Variants in KCNK2 observed in about 807,000 individuals in gnomAD.
The protein encoded by KCNK2 is potassium channel subfamily K member 2.
Under a neutral mutation model 40.5 loss-of-function variants are expected in KCNK2, and 21 were observed. The observed-to-expected ratio is 0.52, with a 90% CI of 0.37 to 0.75. The LOEUF (loss-of-function observed/expected upper bound fraction) is 0.75, where lower values mean the gene tolerates loss of function less well. Ranked by LOEUF, KCNK2 falls within the 30% of genes least tolerant of loss-of-function variation. KCNK2 has a pLI of 0.00. For missense variants in KCNK2, 399 were observed against 531.6 expected (o/e 0.75, Z 2.45); for synonymous variants, 191 against 202.2 (o/e 0.94, Z 0.47).
intron 1 of KCNK2, among the ~76,000 whole-genome samples, chr1:215,076,488 G>T (rs986573605): frequency 3.3e-5 from 5 of 152,114 alleles, no homozygotes; most frequent in Non-Finnish European, 7.3e-5. Context: ...CACTTACATG[G>T]CTGTTGGAAG....
intron 6 of KCNK2, among the ~76,000 whole-genome samples, chr1:215,210,848 C>A (rs967250820): frequency 1.5e-4 from 9 of 61,060 alleles, no homozygotes; most frequent in African/African-American, 3.6e-4. Context: ...AGGTACTACC[C>A]CGACTTATCT....
At chr1:215,189,854 C>A (rs1026159408) in intron 5 of KCNK2, among the ~76,000 whole-genome samples, 3 of 152,086 alleles carry the variant, frequency 2.0e-5, no homozygotes, top group Non-Finnish European at 4.4e-5. Flanking sequence ...CATATTAAGA[C>A]AGGATAGCTT....
intron 1 of KCNK2, among the ~76,000 whole-genome samples, chr1:215,084,968 G>C (rs753900280): frequency 6.6e-6 from 1 of 152,172 alleles, no homozygotes; most frequent in East Asian, 1.9e-4. Flanking sequence ...GCTTCTTTTT[G>C]ATGGGGAATT....
intron 1 of KCNK2, among the ~76,000 whole-genome samples, chr1:215,047,396 G>A (rs1657813783): frequency 6.6e-6 from 1 of 152,018 alleles, no homozygotes; most frequent in Non-Finnish European, 1.5e-5. Flanking sequence ...TCATTTTAGA[G>A]TTGAGGCATA....
chr1:215,123,711 A>G (rs559997122), intron 2 of KCNK2, among the ~76,000 whole-genome samples: 1 of 152,250 alleles, frequency 6.6e-6, no homozygotes, highest in African/African-American at 2.4e-5. Context: ...TCCTTATCAA[A>G]AGATGTTTCT....
chr1:215,078,730 T>A (rs1659042819), upstream of KCNK2, among the ~76,000 whole-genome samples: 1 of 152,226 alleles, frequency 6.6e-6, no homozygotes, highest in South Asian at 2.1e-4. Flanking sequence ...ACATAAATGC[T>A]GTCTCACTTT....
At chr1:215,044,830 C>CGCGA (rs1553257279) in intron 1 of KCNK2, among the ~76,000 whole-genome samples, 1 of 132,472 alleles carries the variant, frequency 7.5e-6, no homozygotes. Flanking sequence ...TGTGTGTGCG[C>CGCGA]GCGCACACGT....
chr1:215,185,776 C>T (rs1470975761), intron 5 of KCNK2, among the ~76,000 whole-genome samples: 1 of 152,128 alleles, frequency 6.6e-6, no homozygotes, highest in East Asian at 1.9e-4. Flanking sequence ...CAAAGACGTC[C>T]CTTCCATAAT....
In KCNK2 at chr1:215,169,326, A is replaced by G. The variant is rs1324238272; in HGVS notation, c.603A>G (p.Gly201=). ...GVGDQLGTIF[G]KGIAKVEDTF... ...GAGATCAGCTAGGCACCATATTTGG[A>G]AAAGGAATTGCCAAAGTGGAAGATA... is the stretch of plus-strand genomic sequence containing the variant. Residue 201 remains glycine (G), a synonymous_variant, in exon 4 of 7, where the codon GGA becomes GGG. Coordinates refer to ENST00000444842, the MANE Select transcript of KCNK2 (RefSeq NM_001017425.3). 1 of 1,612,372 alleles carries G rather than the reference A, an allele frequency of 6.2e-7. No homozygotes were observed. Among genetic ancestry groups the G allele is most frequent in the Admixed American group, 1.7e-5 (1 of 59,736 alleles).
chr1:215,236,045 A>AATCTATCTATCT lies in KCNK2; in HGVS notation c.*942_*953dup, dbSNP rs1553277248. 1.3e-3 allele frequency: 188 copies of AATCTATCTATCT among 144,400 alleles called. No individual in the cohort carries two copies. Among genetic ancestry groups the AATCTATCTATCT allele is most frequent in the South Asian group, 4.6e-3 (21 of 4,604 alleles). 8.9% of individuals were successfully genotyped at this position (144,400 alleles called of 1,614,324 possible). ...TACATTTTTAAAGGCAGAAGAAGAA[A>AATCTATCTATCT]ATCTATCTATCTATCTATCTATCTA... On this transcript the variant is annotated 3_prime_UTR_variant, in exon 7 of 7. Transcript: ENST00000444842.
chr1:215,150,324 GTTATC>G (rs1257882934), intron 3 of KCNK2, among the ~76,000 whole-genome samples: 1 of 152,096 alleles, frequency 6.6e-6, no homozygotes, highest in Non-Finnish European at 1.5e-5. Flanking sequence ...TATTCTATTT[GTTATC>G]TTATGTGTAT....
intron 2 of KCNK2, among the ~76,000 whole-genome samples, chr1:215,118,835 G>A (rs1462722221): frequency 6.6e-6 from 1 of 152,118 alleles, no homozygotes; most frequent in East Asian, 1.9e-4. Flanking sequence ...CTGCAGTTCA[G>A]AATTTTCTTT....
At chr1:215,041,189 A>G (rs532635241) in intron 1 of KCNK2, among the ~76,000 whole-genome samples, 1 of 152,300 alleles carries the variant, frequency 6.6e-6, no homozygotes, top group East Asian at 1.9e-4. Flanking sequence ...TTGGAGATTA[A>G]GTAAGCGGCT....
At chr1:215,048,638 C>T (rs1657871448) in intron 1 of KCNK2, among the ~76,000 whole-genome samples, 1 of 152,142 alleles carries the variant, frequency 6.6e-6, no homozygotes, top group Admixed American at 6.5e-5. Flanking sequence ...AAGTGTTTTT[C>T]CCCAATAATA....
intron 2 of KCNK2, among the ~76,000 whole-genome samples, chr1:215,104,275 G>T (rs1660341023): frequency 6.6e-6 from 1 of 151,926 alleles, no homozygotes; most frequent in Non-Finnish European, 1.5e-5. Flanking sequence ...ACAAACACCG[G>T]ATCTGTGACT....
At chr1:215,016,858 G>T (rs943304618) in intron 1 of KCNK2, among the ~76,000 whole-genome samples, 2 of 152,030 alleles carry the variant, frequency 1.3e-5, no homozygotes, top group Non-Finnish European at 2.9e-5. Context: ...CTAATAAGGG[G>T]TTAATATCCA....
intron 1 of KCNK2, among the ~76,000 whole-genome samples, chr1:215,011,319 G>T (rs1319041054): frequency 6.6e-6 from 1 of 152,096 alleles, no homozygotes; most frequent in Non-Finnish European, 1.5e-5. Context: ...TTGAGACAGG[G>T]TCTCACACTG....
intron 2 of KCNK2, among the ~76,000 whole-genome samples, chr1:215,117,371 G>A (rs1273319955): frequency 6.6e-6 from 1 of 151,984 alleles, no homozygotes; most frequent in Admixed American, 6.6e-5. Flanking sequence ...AACATTCTAG[G>A]CAATAAAGGG....
intron 1 of KCNK2, among the ~76,000 whole-genome samples, chr1:215,031,254 T>G (rs749449979): frequency 6.6e-6 from 1 of 152,204 alleles, no homozygotes; most frequent in Non-Finnish European, 1.5e-5. Flanking sequence ...AGCATCAGTT[T>G]GTCGATAGCC....
Sources: allele counts gnomAD v4.1 joint callset (sites outside exome capture counted in the v4.1 genomes callset), GRCh38; gene constraint gnomAD v4.1.1; transcripts MANE v1.5; gene names NCBI Gene and HGNC (gene_info 2026-07-23, HGNC 2026-07-21).